TTC12: variants seen among roughly 807,000 people sequenced by gnomAD.
TTC12 encodes tetratricopeptide repeat domain 12.
TTC12 carries 70 observed loss-of-function variants against 90.1 expected under a neutral mutation model. The observed-to-expected ratio is 0.78, with a 90% CI of 0.64 to 0.95. The LOEUF is 0.95. Among genes scored for constraint, TTC12 ranks in the 40% least tolerant of loss-of-function variants. The pLI, the probability that TTC12 is intolerant of heterozygous loss-of-function variation, is 0.00. For synonymous variants in TTC12, 296 were observed against 311.5 expected (o/e 0.95, Z 0.53); for missense variants, 819 against 846.1 (o/e 0.97, Z 0.40).
At chr11:113,320,767 C>G (rs1947264700) in intron 2 of TTC12, among the ~76,000 whole-genome samples, 1 of 152,206 alleles carries the variant, frequency 6.6e-6, no homozygotes, top group Admixed American at 6.5e-5. Flanking sequence ...GGCTCCTGCA[C>G]TTGTCCGTCT....
rs34496236 is a variant in TTC12, at chr11:113,323,102, CAAAA to C, written c.59-170_59-167del. The stretch of plus-strand genomic sequence containing the variant: ...ATACTCACCTGCAACTTTTTCTAGG[CAAAA>C]AAAAAAAAAAAAAAACCTGTTGTTA... On this transcript the variant is annotated intron_variant, in intron 2 of 21. Transcript: ENST00000529221. 1.6e-3 allele frequency among the ~76,000 whole-genome samples: 124 copies of C among 79,450 alleles called. 1 individual carries two copies. The highest frequency in any genetic ancestry group is 9.1e-3 in the Admixed American group (64 of 7,028). The allele number at this position is 79,450 out of a possible 152,430, so 52.1% of individuals were successfully genotyped here.
chr11:113,345,023 A>T (rs899896991), intron 13 of TTC12, among the ~76,000 whole-genome samples: 2 of 152,144 alleles, frequency 1.3e-5, no homozygotes, highest in African/African-American at 4.8e-5. Flanking sequence ...TTTATTTTTT[A>T]AATCATTTAT....
At chr11:113,367,811 CTG>C (rs1258300805), downstream of TTC12, among the ~76,000 whole-genome samples, 2 of 151,896 alleles carry the variant, frequency 1.3e-5, no homozygotes, top group African/African-American at 4.8e-5. Flanking sequence ...CTGGGGCACT[CTG>C]TGGTGGCGCC....
In TTC12 at chr11:113,362,743, T is replaced by C. The variant is rs527722568; in HGVS notation, c.1716+241T>C. Among the ~76,000 whole-genome samples the C allele has an allele frequency of 2.0e-5, 3 of 152,234 alleles. No individual in the cohort carries two copies. The East Asian group carries it at 5.8e-4, about 29-fold the overall frequency. On this transcript the variant is annotated intron_variant, in intron 19 of 21. Transcript: ENST00000529221. ...CATTAGATACATCTATAAAACCTGCTTACCCCTCAAGCCTGACTTAAAAAT... is the reference window on the plus strand; with the variant it reads ...CATTAGATACATCTATAAAACCTGCCTACCCCTCAAGCCTGACTTAAAAAT...
intron 6 of TTC12, among the ~76,000 whole-genome samples, chr11:113,327,096 T>C (rs1947741332): frequency 6.6e-6 from 1 of 152,234 alleles, no homozygotes; most frequent in African/African-American, 2.4e-5. Flanking sequence ...TGAATTGCTT[T>C]AAAAAAGTTA....
chr11:113,358,990 T>C (rs1949772649), intron 16 of TTC12, among the ~76,000 whole-genome samples: 1 of 151,924 alleles, frequency 6.6e-6, no homozygotes, highest in African/African-American at 2.4e-5. Flanking sequence ...TAGGAGCATG[T>C]CAGTCATCTC....
At chr11:113,331,307 C>A (rs1353507778) in intron 7 of TTC12, among the ~76,000 whole-genome samples, 5 of 152,146 alleles carry the variant, frequency 3.3e-5, no homozygotes, top group African/African-American at 1.2e-4. Context: ...ATTTTTCTAC[C>A]ATTATTCTGC....
intron 2 of TTC12, among the ~76,000 whole-genome samples, chr11:113,322,356 A>G (rs925253135): frequency 3.9e-5 from 6 of 152,164 alleles, no homozygotes; most frequent in African/African-American, 1.2e-4. Context: ...TGATTATGCA[A>G]AATATGACAA....
At chr11:113,365,753 G>A (rs1293147306) in intron 21 of TTC12, among the ~76,000 whole-genome samples, 1 of 149,126 alleles carries the variant, frequency 6.7e-6, no homozygotes, top group Non-Finnish European at 1.5e-5. Flanking sequence ...GGGTAACCCC[G>A]GGAGCTGAGT....
chr11:113,316,621 A>ACCCAGC (rs1555135773), intron 2 of TTC12, among the ~76,000 whole-genome samples: 1 of 152,180 alleles, frequency 6.6e-6, no homozygotes, highest in African/African-American at 2.4e-5. Flanking sequence ...TTGACAATGA[A>ACCCAGC]CCCAGCTGTT....
In TTC12 at chr11:113,364,666, A is replaced by G. The variant is rs1042400379; in HGVS notation, c.1817-169A>G. On this transcript the variant is annotated intron_variant, in intron 20 of 21. Coordinates refer to ENST00000529221, the MANE Select transcript of TTC12 (RefSeq NM_017868.4). ...GTTCAGCAAGGAGTTGAGGAGGTTC[A>G]TATGCATTCAGTGAATGTTTGCTGA... The G allele has an allele frequency of 8.0e-5, 50 of 624,422 alleles. 2 individuals carry two copies. In the South Asian group the frequency reaches 9.3e-4, roughly 12 times the overall value. The allele number at this position is 624,422 out of a possible 1,614,324, so 38.7% of individuals were successfully genotyped here. A position where few individuals can be genotyped will look rare whatever the true frequency, so the allele number is the denominator to read the frequency against.
chr11:113,323,336 A>C lies in TTC12; in HGVS notation c.107A>C (p.Lys36Thr). 6.2e-7 allele frequency: 1 copy of C among 1,611,188 alleles called. No homozygotes were observed. The highest frequency in any genetic ancestry group is 8.5e-7 in the Non-Finnish European group (1 of 1,179,176). ...MNSDDPVVQQ[K>T]AVLETEKRLL... ...TCTGATGACCCAGTTGTGCAACAGA[A>C]AGCTGTCCTGGAGACAGAAAAGAGA... Residue 36 changes from lysine to threonine, a missense_variant, in exon 3 of 22, where the codon AAA becomes ACA. Lys to Thr is a moderately conservative substitution (Grantham distance 78). Transcript: ENST00000529221.
In TTC12 at chr11:113,339,448, A is replaced by G; in HGVS notation, c.800A>G (p.Glu267Gly). ...QIPLFYAGGI[E>G]ILTEMINECT... ...CCCTTGTTCTATGCTGGGGGGATTG[A>G]GATCCTGACTGAAATGATAAATGAG... Residue 267 changes from glutamate to glycine, a missense_variant, in exon 10 of 22, where the codon GAG becomes GGG. Transcript: ENST00000529221. 1 of 1,611,364 alleles carries G rather than the reference A, an allele frequency of 6.2e-7. No individual in the cohort carries two copies. Among genetic ancestry groups the G allele is most frequent in the Non-Finnish European group, 8.5e-7 (1 of 1,179,258 alleles).
chr11:113,332,493 T>C (rs1948123072), intron 7 of TTC12, among the ~76,000 whole-genome samples: 1 of 152,212 alleles, frequency 6.6e-6, no homozygotes, highest in Non-Finnish European at 1.5e-5. Context: ...TTTCATGAGC[T>C]GAAGTGCTAG....
At chr11:113,325,674 G>T (rs782670452) in intron 6 of TTC12, 29 bp downstream of exon 6, 7 of 1,609,384 alleles carry the variant, frequency 4.3e-6, no homozygotes, top group Non-Finnish European at 5.9e-6. Context: ...TATCCATGGG[G>T]CTTTCTCAGG....
chr11:113,368,144 G>GTT (rs1950273269), downstream of TTC12: 1 of 1,329,550 alleles, frequency 7.5e-7, no homozygotes, highest in Non-Finnish European at 9.9e-7. Context: ...CTTCCCCAAA[G>GTT]AGTGGGGAAT....
downstream of TTC12, among the ~76,000 whole-genome samples, chr11:113,371,050 A>G (rs1950371764): frequency 6.6e-6 from 1 of 152,122 alleles, no homozygotes; most frequent in African/African-American, 2.4e-5. Context: ...GTGCAAGGTG[A>G]TTTACACTAG....
rs782495331 is a variant in TTC12, at chr11:113,351,209, A to C, written c.1248-30A>C. 3 of 1,608,778 alleles carry C rather than the reference A, an allele frequency of 1.9e-6. No individual in the cohort carries two copies. The Admixed American group carries it at 5.0e-5, about 27-fold the overall frequency. ...TATGTTATAGTTTATGCAATGTAAA[A>C]ATAAATCCTGGCTGATGGTTTCTCA... On this transcript the variant is annotated intron_variant, in intron 14 of 21. Coordinates refer to ENST00000529221, the MANE Select transcript of TTC12 (RefSeq NM_017868.4).
At chr11:113,318,156 A>G (rs143095704) in intron 2 of TTC12, among the ~76,000 whole-genome samples, 1 of 152,352 alleles carries the variant, frequency 6.6e-6, no homozygotes, top group African/African-American at 2.4e-5. Flanking sequence ...CAGTCAAAGA[A>G]TTATTCTTTT....
Sources: gnomAD v4.1 joint callset for allele counts (sites outside exome capture counted in the v4.1 genomes callset) on GRCh38, gnomAD v4.1.1 for gene constraint, MANE v1.5 for transcripts, NCBI Gene and HGNC (gene_info 2026-07-23, HGNC 2026-07-21) for gene names.